CLVS1: variants seen among roughly 807,000 people sequenced by gnomAD.
CLVS1 encodes clavesin-1.
CLVS1 carries 10 observed loss-of-function variants against 33.1 expected under a neutral mutation model. The ratio of observed to expected loss-of-function variants is 0.30; its 90% CI spans 0.19 to 0.51. The LOEUF is 0.51. CLVS1 is among the 20% of genes least tolerant of loss of function. The pLI, the probability that CLVS1 is intolerant of heterozygous loss-of-function variation, is 0.97. For synonymous variants in CLVS1, 163 were observed against 166.1 expected (o/e 0.98, Z 0.14); for missense variants, 343 against 433.4 (o/e 0.79, Z 1.85).
At chr8:61,129,188 T>C (rs1162547700) in intron 1 of CLVS1, among the ~76,000 whole-genome samples, 3 of 152,224 alleles carry the variant, frequency 2.0e-5, no homozygotes, top group Non-Finnish European at 2.9e-5. Context: ...GAAGAGTAAC[T>C]CATGGTTGCT....
At chr8:61,283,342 G>T (rs1350920067), upstream of CLVS1, among the ~76,000 whole-genome samples, 1 of 152,140 alleles carries the variant, frequency 6.6e-6, no homozygotes, top group African/African-American at 2.4e-5. Flanking sequence ...CTATGCAATT[G>T]TCCTCTGGGA....
intron 2 of CLVS1, among the ~76,000 whole-genome samples, chr8:61,259,078 A>T (rs1809145328): frequency 6.6e-6 from 1 of 152,230 alleles, no homozygotes; most frequent in African/African-American, 2.4e-5. Flanking sequence ...TGTAGCAGGA[A>T]CATGTGTTAA....
chr8:61,348,074 A>G (rs187635767), intron 2 of CLVS1, among the ~76,000 whole-genome samples: 49 of 152,066 alleles, frequency 3.2e-4, no homozygotes, highest in African/African-American at 1.1e-3. Context: ...TATTCCTATG[A>G]AACTGAAAAT....
chr8:61,119,219 T>G (rs921972228), intron 1 of CLVS1, among the ~76,000 whole-genome samples: 1 of 152,210 alleles, frequency 6.6e-6, no homozygotes, highest in Non-Finnish European at 1.5e-5. Context: ...GTTTTCCATT[T>G]GCTTGGTAGA....
the CLVS1 span, among the ~76,000 whole-genome samples, chr8:60,980,649 G>A: frequency 1.3e-5 from 2 of 152,148 alleles, no homozygotes; most frequent in Non-Finnish European, 2.9e-5. Context: ...AGCTGGTATG[G>A]TGGCACATGC....
intron 1 of CLVS1, among the ~76,000 whole-genome samples, chr8:61,117,831 C>T (rs1805761502): frequency 6.6e-6 from 1 of 151,658 alleles, no homozygotes; most frequent in Admixed American, 6.6e-5. Flanking sequence ...GTCTAAAATT[C>T]TCTTTTTTTG....
At chr8:61,079,342 T>C (rs1002317335) in intron 1 of CLVS1, among the ~76,000 whole-genome samples, 1 of 152,234 alleles carries the variant, frequency 6.6e-6, no homozygotes, top group African/African-American at 2.4e-5. Flanking sequence ...ACTTTTCATA[T>C]CTCAATTCCC....
Position 61,318,378 on chromosome 8 carries a change from T to C in CLVS1, c.455+18096T>C, listed in dbSNP as rs553957787. On this transcript the variant is annotated intron_variant, in intron 2 of 5. Transcript: ENST00000325897. ...TTTCAACAAATACTTATTGAACATA[T>C]ACTGCATGCCAGATGTTTCCTAGAT... Among the ~76,000 whole-genome samples, 8 of 152,302 alleles carry C rather than the reference T, an allele frequency of 5.3e-5. No homozygotes were observed. The South Asian group carries it at 1.4e-3, about 28-fold the overall frequency.
chr8:61,202,980 A>G lies in CLVS1; in HGVS notation c.-152+71120A>G. ...CACAAAAGTCAAATCAGAATGGAAA[A>G]GACTCAAAACCATCAACACCAAGAT... On this transcript the variant is annotated intron_variant, in intron 2 of 2. Transcript: ENST00000522621. The G allele has an allele frequency of 3.4e-6, 5 of 1,467,130 alleles. No homozygotes were observed. The South Asian group carries it at 5.7e-5, about 17-fold the overall frequency. 90.9% of individuals were successfully genotyped at this position (1,467,130 alleles called of 1,614,324 possible).
intron 3 of CLVS1, among the ~76,000 whole-genome samples, chr8:61,452,867 TGC>T (rs1234048370): frequency 6.6e-6 from 1 of 152,188 alleles, no homozygotes; most frequent in Non-Finnish European, 1.5e-5. Context: ...AACCCTTAAG[TGC>T]AGTTTCATGT....
intron 2 of CLVS1, among the ~76,000 whole-genome samples, chr8:61,169,768 CTG>C (rs34222095): frequency 0.051 from 7,724 of 152,238 alleles, 221 homozygotes; most frequent in African/African-American, 0.06. Context: ...TCTGGGCTTT[CTG>C]TGAGTCTCAT....
At chr8:61,160,413 A>G (rs562731101) in intron 2 of CLVS1, among the ~76,000 whole-genome samples, 1 of 152,334 alleles carries the variant, frequency 6.6e-6, no homozygotes, top group East Asian at 1.9e-4. Flanking sequence ...CTCCCGAAAC[A>G]AAAACAATTC....
chr8:61,200,073 T>C (rs1807696599), intron 2 of CLVS1, among the ~76,000 whole-genome samples: 1 of 152,124 alleles, frequency 6.6e-6, no homozygotes, highest in Admixed American at 6.6e-5. Flanking sequence ...CAATGTTACA[T>C]CATTAATATA....
At chr8:61,101,926 A>G (rs979090282) in intron 1 of CLVS1, among the ~76,000 whole-genome samples, 1 of 151,986 alleles carries the variant, frequency 6.6e-6, no homozygotes, top group East Asian at 1.9e-4. Context: ...GTGAGGGCTT[A>G]TTTCAAGACT....
the CLVS1 span, among the ~76,000 whole-genome samples, chr8:61,021,077 C>T: frequency 6.6e-6 from 1 of 152,150 alleles, no homozygotes; most frequent in Non-Finnish European, 1.5e-5. Flanking sequence ...ACTTGCTTCC[C>T]CCCTTTAAAA....
chr8:61,011,224 C>G, the CLVS1 span, among the ~76,000 whole-genome samples: 1 of 152,164 alleles, frequency 6.6e-6, no homozygotes, highest in African/African-American at 2.4e-5. Context: ...TATGATTGTG[C>G]CACTGAGTTC....
intron 5 of CLVS1, among the ~76,000 whole-genome samples, chr8:61,483,745 C>A (rs536950702): frequency 4.6e-4 from 70 of 152,336 alleles, no homozygotes; most frequent in Non-Finnish European, 9.3e-4. Context: ...AAGAGCTTAT[C>A]CACCATGATC....
In CLVS1 at chr8:61,294,186, A is replaced by G. The variant is rs188361281; in HGVS notation, c.-151-5491A>G. Among the ~76,000 whole-genome samples, 9 of 152,248 alleles carry G rather than the reference A, an allele frequency of 5.9e-5. No individual in the cohort carries two copies. The East Asian group carries it at 1.7e-3, about 29-fold the overall frequency. On this transcript the variant is annotated intron_variant, in intron 1 of 5. Transcript: ENST00000325897. ...TGAGTGTGAGGGCACCGGTACTCAGAGTGATGTTAAACAAGGCACCTACTT... is the reference window on the plus strand; with the variant it reads ...TGAGTGTGAGGGCACCGGTACTCAGGGTGATGTTAAACAAGGCACCTACTT...
At chr8:61,438,766 A>G (rs1816436802) in intron 3 of CLVS1, among the ~76,000 whole-genome samples, 1 of 152,192 alleles carries the variant, frequency 6.6e-6, no homozygotes, top group South Asian at 2.1e-4. Flanking sequence ...AATCATTCTA[A>G]GTAAAGTTAT....
Sources: allele counts gnomAD v4.1 joint callset (sites outside exome capture counted in the v4.1 genomes callset), GRCh38; gene constraint gnomAD v4.1.1; transcripts MANE v1.5; gene names NCBI Gene and HGNC (gene_info 2026-07-23, HGNC 2026-07-21).